Variants in WNK1 observed in about 807,000 individuals in gnomAD.
WNK1 encodes WNK lysine deficient protein kinase 1.
A neutral mutation model predicts 222.8 loss-of-function variants in WNK1; 38 were observed. That is an observed-to-expected ratio of 0.17 (90% CI 0.13 to 0.22). The LOEUF is 0.22. Ranked by LOEUF, WNK1 falls within the 10% of genes least tolerant of loss-of-function variation. WNK1 has a pLI of 1.00. For synonymous variants in WNK1, 1,090 were observed against 1,092.9 expected, an observed-to-expected ratio of 1.00 and a Z score of 0.05; for missense variants, 2,348 against 2,918.4, an observed-to-expected ratio of 0.80 and a Z score of 4.50.
At chr12:767,903 A>C (rs944919669) in intron 1 of WNK1, among the ~76,000 whole-genome samples, 1 of 152,074 alleles carries the variant, frequency 6.6e-6, no homozygotes, top group Non-Finnish European at 1.5e-5. Context: ...CTTTGAATTC[A>C]GGTCTGTTTG....
chr12:764,651 A>G lies in WNK1; in HGVS notation c.759+10327A>G, dbSNP rs1475785169. 1.0e-4 allele frequency among the ~76,000 whole-genome samples: 15 copies of G among 144,324 alleles called. 1 individual carries two copies. The highest frequency in any genetic ancestry group is 6.9e-4 in the South Asian group (3 of 4,372). 94.7% of individuals were successfully genotyped at this position (144,324 alleles called of 152,430 possible). On this transcript the variant is annotated intron_variant, in intron 1 of 27. Coordinates refer to ENST00000315939, the MANE Select transcript of WNK1 (RefSeq NM_018979.4). ...CTCCGTCTCAAAAAAAAAAAAAAAA[A>G]AAAGAAAGAAAAATCATTAACATTC...
At chr12:798,223 G>A (rs1246404458) in intron 1 of WNK1, among the ~76,000 whole-genome samples, 4 of 150,682 alleles carry the variant, frequency 2.7e-5, no homozygotes, top group Non-Finnish European at 5.9e-5. Flanking sequence ...ACGGAGTCTG[G>A]CTCTGTCGCC....
intron 6 of WNK1, among the ~76,000 whole-genome samples, 169 bp downstream of exon 6, chr12:859,633 T>TGTGTGTGTGG (rs372754842): frequency 3.7e-4 from 23 of 62,690 alleles, no homozygotes; most frequent in East Asian, 2.2e-3. Context: ...TGTGTGTGTG[T>TGTGTGTGTGG]TTTTTTTTTT....
rs759743318 is a variant in WNK1 at position 887,184 on chromosome 12, C to T, written c.5281-37C>T. 37 of 1,578,138 alleles carry T rather than the reference C, an allele frequency of 2.3e-5. No homozygotes were observed. The African/African-American group carries it at 3.5e-4, about 15-fold the overall frequency. On this transcript the variant is annotated intron_variant, in intron 19 of 27. Transcript: ENST00000315939. The stretch of plus-strand genomic sequence containing the variant: ...TTCAGTACGCAGTCTTTATATTTAG[C>T]GTCTCACGGACTTGATTTTCCCTTT...
At position 844,642 on chromosome 12, in the gene WNK1, C is replaced by T. The variant is rs572213675; in HGVS notation, c.1312-12519C>T. Among the ~76,000 whole-genome samples, 3 of 152,140 alleles carry T rather than the reference C, an allele frequency of 2.0e-5. No homozygotes were observed. The South Asian group carries it at 6.2e-4, about 32-fold the overall frequency. On this transcript the variant is annotated intron_variant, in intron 4 of 27. Transcript: ENST00000315939. ...CTACAGTCCTTAATTCTGCACTGTC[C>T]ATTACCATACTTCTTGCCTAGGAAA...
At chr12:889,324 G>C (rs1269575769) in intron 21 of WNK1, 101 bp downstream of exon 21, 187 of 997,140 alleles carry the variant, frequency 1.9e-4, no homozygotes, top group Non-Finnish European at 2.2e-5. Flanking sequence ...CCTTTAACAT[G>C]TATTCAGAGT....
At chr12:792,684 A>G (rs971798084) in intron 1 of WNK1, among the ~76,000 whole-genome samples, 2 of 152,168 alleles carry the variant, frequency 1.3e-5, no homozygotes, top group Non-Finnish European at 2.9e-5. Context: ...TTAAGATTAA[A>G]GCCATATAAA....
intron 4 of WNK1, among the ~76,000 whole-genome samples, chr12:839,040 GCAAA>G (rs1441686443): frequency 6.6e-6 from 1 of 152,102 alleles, no homozygotes; most frequent in African/African-American, 2.4e-5. Context: ...AACAAATAAA[GCAAA>G]CAGTTACAAT....
chr12:789,425 A>T (rs1944630846), intron 1 of WNK1, among the ~76,000 whole-genome samples: 1 of 152,112 alleles, frequency 6.6e-6, no homozygotes, highest in African/African-American at 2.4e-5. Flanking sequence ...AATGGTACAC[A>T]CTGCTAGTCA....
intron 8 of WNK1, chr12:865,487 G>A: frequency 3.9e-6 from 5 of 1,296,720 alleles, no homozygotes; most frequent in East Asian, 2.5e-5. Context: ...ATGCTTCTAG[G>A]ATACCAGTTA....
intron 1 of WNK1, among the ~76,000 whole-genome samples, chr12:771,654 C>A (rs113260958): frequency 6.6e-6 from 1 of 151,942 alleles, no homozygotes; most frequent in Non-Finnish European, 1.5e-5. Context: ...CGGTTGATCT[C>A]GAACTCCTGA....
At chr12:814,281 A>G (rs1365144254) in intron 2 of WNK1, among the ~76,000 whole-genome samples, 1 of 151,540 alleles carries the variant, frequency 6.6e-6, no homozygotes, top group Non-Finnish European at 1.5e-5. Context: ...GTGAGCTGAG[A>G]TCACCTCACT....
At chr12:886,217 AT>A in intron 19 of WNK1, 133 bp downstream of exon 19, 1 of 810,476 alleles carries the variant, frequency 1.2e-6, no homozygotes, top group Non-Finnish European at 1.8e-6. Context: ...TATTTATTAA[AT>A]TGACAGCAGT....
intron 23 of WNK1, 92 bp downstream of exon 23, chr12:894,727 G>A (rs1954588359): frequency 1.7e-6 from 2 of 1,175,312 alleles, no homozygotes; most frequent in Admixed American, 1.7e-5. Flanking sequence ...GGACACAATT[G>A]CCAGTCTAGT....
In WNK1 at chr12:905,484, G is replaced by A. The variant is rs918038664; in HGVS notation, c.6644-2363G>A. 3.9e-5 allele frequency among the ~76,000 whole-genome samples: 6 copies of A among 152,204 alleles called. No homozygotes were observed. In the South Asian group the frequency reaches 1.0e-3, roughly 26 times the overall value. On this transcript the variant is annotated intron_variant, in intron 26 of 27. Transcript: ENST00000315939. ...ACTAGAGAGGTGTGTCTCCCAGCAT[G>A]AGCTCTGTGGATAAGCAATGGTCAC...
intron 1 of WNK1, among the ~76,000 whole-genome samples, chr12:758,093 G>T (rs1188347412): frequency 6.9e-6 from 1 of 143,980 alleles, no homozygotes; most frequent in Non-Finnish European, 1.5e-5. Flanking sequence ...ACAGATTTAA[G>T]AATGATTTAT....
chr12:852,085 C>T (rs72648653), intron 4 of WNK1, among the ~76,000 whole-genome samples: 2,214 of 152,262 alleles, frequency 0.015, 57 homozygotes, highest in African/African-American at 0.05. Flanking sequence ...CAAGTGCTGG[C>T]AATTCTTAGG....
At chr12:844,890 CTTTTTTTTTTT>C (rs11352734) in intron 4 of WNK1, among the ~76,000 whole-genome samples, 16 of 80,434 alleles carry the variant, frequency 2.0e-4, no homozygotes, top group African/African-American at 6.0e-4. Flanking sequence ...TGTACCTTCT[CTTTTTTTTTTT>C]TTTTTTTTTT....
intron 8 of WNK1, chr12:867,832 G>A (rs369293862): frequency 1.3e-5 from 21 of 1,610,978 alleles, no homozygotes; most frequent in Non-Finnish European, 1.7e-5. Context: ...ACATATGAAT[G>A]TATGAATTAC....
Sources: allele counts gnomAD v4.1 joint callset (sites outside exome capture counted in the v4.1 genomes callset), GRCh38; gene constraint gnomAD v4.1.1; transcripts MANE v1.5; gene names NCBI Gene and HGNC (gene_info 2026-07-23, HGNC 2026-07-21).